AHCYL2: variants seen among roughly 807,000 people sequenced by gnomAD.
AHCYL2 encodes the protein adenosylhomocysteinase like 2.
In AHCYL2, 28 loss-of-function variants were observed where a neutral mutation model predicts 81.4. The ratio of observed to expected loss-of-function variants is 0.34; its 90% confidence interval spans 0.25 to 0.47. The LOEUF (loss-of-function observed/expected upper bound fraction) is 0.47, where lower values mean the gene tolerates loss of function less well. Ranked by LOEUF, AHCYL2 falls within the 20% of genes least tolerant of loss-of-function variation. AHCYL2 has a pLI of 1.00. For synonymous variants in AHCYL2, 272 were observed against 290.2 expected (o/e 0.94, Z 0.64); for missense variants, 551 against 785.1 (o/e 0.70, Z 3.56).
At chr7:129,331,398 C>G (rs1472776274) in intron 1 of AHCYL2, among the ~76,000 whole-genome samples, 1 of 152,050 alleles carries the variant, frequency 6.6e-6, no homozygotes, top group East Asian at 1.9e-4. Flanking sequence ...AATTTATAAA[C>G]AACAATATCT....
intron 2 of AHCYL2, among the ~76,000 whole-genome samples, chr7:129,382,723 T>C (rs974109307): frequency 6.6e-6 from 1 of 151,576 alleles, no homozygotes; most frequent in African/African-American, 2.4e-5. Context: ...CTGACCAACA[T>C]GGAGAAACCC....
intron 1 of AHCYL2, among the ~76,000 whole-genome samples, chr7:129,348,194 A>G (rs1255023147): frequency 6.6e-6 from 1 of 152,216 alleles, no homozygotes; most frequent in Non-Finnish European, 1.5e-5. Flanking sequence ...AGGTAGGAGC[A>G]ATCTAAATGT....
At chr7:129,267,230 G>GGTGTGTGTGTGTGTGTGTGTGT (rs769745702) in intron 1 of AHCYL2, among the ~76,000 whole-genome samples, 1 of 59,160 alleles carries the variant, frequency 1.7e-5, no homozygotes, top group African/African-American at 4.3e-5. Context: ...TCACTCAAGG[G>GGTGTGTGTGTGTGTGTGTGTGT]GTGTGTGTGT....
intron 1 of AHCYL2, chr7:129,351,601 C>G (rs1369471104): frequency 6.6e-6 from 1 of 152,240 alleles, no homozygotes; most frequent in African/African-American, 2.4e-5. Flanking sequence ...AAGATTGGGT[C>G]TTGCAAAATT....
intron 4 of AHCYL2, among the ~76,000 whole-genome samples, chr7:129,393,069 G>T (rs952009073): frequency 6.6e-6 from 1 of 152,200 alleles, no homozygotes; most frequent in Non-Finnish European, 1.5e-5. Flanking sequence ...CTTGATTGAG[G>T]TGGTGTCTCC....
rs144873122 is a variant in AHCYL2 at position 129,266,293 on chromosome 7, A to G, written c.363+40854A>G. Among the ~76,000 whole-genome samples the G allele has an allele frequency of 1.3e-4, 20 of 152,356 alleles. No homozygotes were observed. The East Asian group carries it at 3.5e-3, about 26-fold the overall frequency. ...TGACTTTGTTCAATTGACTTAAGCA[A>G]AAAAGGTAGTGGATGAGAAGGAGGG... On this transcript the variant is annotated intron_variant, in intron 1 of 16. Transcript: ENST00000325006.
At chr7:129,293,572 G>C (rs1044177751) in intron 1 of AHCYL2, among the ~76,000 whole-genome samples, 9 of 151,990 alleles carry the variant, frequency 5.9e-5, no homozygotes, top group Non-Finnish European at 1.3e-4. Flanking sequence ...CAGTTACTAG[G>C]GGGGTGGGAG....
chr7:129,406,031 T>C lies in AHCYL2; in HGVS notation c.1206+132T>C, dbSNP rs149804180. On this transcript the variant is annotated intron_variant, in intron 9 of 16. Transcript: ENST00000325006. The surrounding 1 kb of genome is among the most constrained non-coding windows in gnomAD (Gnocchi z 4.3). Reference sequence around the variant, plus strand: ...ATGAGAAAAAGAATTTCAGAGGCCTTCTGGTTGAAGTAGACTTTCTTTTTC... The same window carrying C: ...ATGAGAAAAAGAATTTCAGAGGCCTCCTGGTTGAAGTAGACTTTCTTTTTC... 7 of 833,704 alleles carry C rather than the reference T, an allele frequency of 8.4e-6. No individual in the cohort carries two copies. In the African/African-American group the frequency reaches 1.2e-4, roughly 14 times the overall value. 51.6% of individuals were successfully genotyped at this position (833,704 alleles called of 1,614,324 possible). A position where few individuals can be genotyped will look rare whatever the true frequency, so the allele number is the denominator to read the frequency against.
intron 2 of AHCYL2, among the ~76,000 whole-genome samples, chr7:129,385,902 C>G (rs906302143): frequency 6.6e-6 from 1 of 152,150 alleles, no homozygotes; most frequent in Admixed American, 6.5e-5. Context: ...TTCCTAGGAA[C>G]AGTCCTTAAT....
intron 1 of AHCYL2, among the ~76,000 whole-genome samples, chr7:129,254,773 C>T (rs1795354454): frequency 2.0e-5 from 3 of 152,146 alleles, no homozygotes; most frequent in South Asian, 4.1e-4. Context: ...AACCTGAAGG[C>T]ACCTTTATAG....
Position 129,368,156 on chromosome 7 carries a change from C to A in AHCYL2, c.364-11482C>A. ...AAGTCCAACTATTGCTGCAGAAAGTCCCCACTGGGGAGGTGCGGGTAGAGT... is the reference window on the plus strand; with the variant it reads ...AAGTCCAACTATTGCTGCAGAAAGTACCCACTGGGGAGGTGCGGGTAGAGT... On this transcript the variant is annotated intron_variant, in intron 1 of 16. Coordinates refer to ENST00000325006, the MANE Select transcript of AHCYL2 (RefSeq NM_015328.4). This position sits in a 1 kb window ranked among gnomAD's most constrained non-coding sequence, Gnocchi z 4.4. The A allele has an allele frequency of 9.3e-7, 1 of 1,075,612 alleles. No homozygotes were observed. The highest frequency in any genetic ancestry group is 6.5e-5 in the East Asian group (1 of 15,456). 66.6% of individuals were successfully genotyped at this position (1,075,612 alleles called of 1,614,324 possible).
rs1170212774 is a variant in AHCYL2, at chr7:129,427,122, C to T, written c.*77C>T. The T allele has an allele frequency of 2.1e-6, 3 of 1,436,376 alleles. No homozygotes were observed. Among genetic ancestry groups the T allele is most frequent in the East Asian group, 2.3e-5 (1 of 43,874 alleles). 89.0% of individuals were successfully genotyped at this position (1,436,376 alleles called of 1,614,324 possible). On this transcript the variant is annotated 3_prime_UTR_variant, in exon 17 of 17. Transcript: ENST00000325006. The surrounding 1 kb of genome is among the most constrained non-coding windows in gnomAD (Gnocchi z 5.5). ...CTCCACTACTATACAAGAAAGAATT[C>T]AGCAAGCTGCTTCTCCAATCAAAGC...
At chr7:129,327,244 C>G (rs1018108144) in intron 1 of AHCYL2, among the ~76,000 whole-genome samples, 2 of 152,044 alleles carry the variant, frequency 1.3e-5, no homozygotes, top group Non-Finnish European at 2.9e-5. Context: ...GGAGGAAACA[C>G]CAGAGCTTCC....
At chr7:129,259,931 C>G (rs539157328) in intron 1 of AHCYL2, among the ~76,000 whole-genome samples, 4 of 152,186 alleles carry the variant, frequency 2.6e-5, no homozygotes, top group African/African-American at 9.6e-5. Context: ...ACAAAACTAG[C>G]TGGGCATGGT....
At chr7:129,278,170 T>C (rs1286212837) in intron 1 of AHCYL2, among the ~76,000 whole-genome samples, 5 of 152,202 alleles carry the variant, frequency 3.3e-5, no homozygotes, top group African/African-American at 1.2e-4. Context: ...CTGAGAATCT[T>C]TTCATGTACT....
intron 1 of AHCYL2, among the ~76,000 whole-genome samples, chr7:129,343,238 T>G (rs1793247301): frequency 6.6e-6 from 1 of 152,188 alleles, no homozygotes; most frequent in African/African-American, 2.4e-5. Context: ...AAGCTCATCT[T>G]TCTTGCTTGG....
chr7:129,423,150 G>C (rs1797193851), intron 13 of AHCYL2, among the ~76,000 whole-genome samples: 1 of 152,152 alleles, frequency 6.6e-6, no homozygotes, highest in Non-Finnish European at 1.5e-5. Context: ...CAATTATCCT[G>C]TCTCTCCACG....
chr7:129,295,097 C>T (rs1010134165), intron 1 of AHCYL2, among the ~76,000 whole-genome samples: 5 of 152,224 alleles, frequency 3.3e-5, no homozygotes, highest in African/African-American at 1.2e-4. Context: ...CTGTCAATCA[C>T]AGTCATTTCT....
intron 12 of AHCYL2, among the ~76,000 whole-genome samples, chr7:129,418,616 A>T (rs1233234755): frequency 6.6e-6 from 1 of 152,102 alleles, no homozygotes; most frequent in African/African-American, 2.4e-5. Flanking sequence ...GTTTTTAAAA[A>T]TTACTCTGGA....
Sources: allele counts gnomAD v4.1 joint callset (sites outside exome capture counted in the v4.1 genomes callset), GRCh38; gene constraint gnomAD v4.1.1; non-coding constraint Gnocchi (gnomAD v3.1); transcripts MANE v1.5; gene names NCBI Gene and HGNC (gene_info 2026-07-23, HGNC 2026-07-21).